The following SLC39A11 variants were observed in gnomAD, a reference collection of about 807,000 sequenced individuals.
SLC39A11 encodes the protein zinc transporter ZIP11.
A neutral mutation model predicts 36.1 loss-of-function variants in SLC39A11; 33 were observed. That is an observed-to-expected ratio of 0.91 (90% CI 0.69 to 1.22). The LOEUF is 1.22. SLC39A11 is among the 50% of genes most tolerant of loss of function. SLC39A11 has a pLI of 0.00. For missense variants in SLC39A11, 432 were observed against 430.3 expected, an observed-to-expected ratio of 1.00 and a Z score of -0.03; for synonymous variants, 166 against 170.3, an observed-to-expected ratio of 0.97 and a Z score of 0.20.
In SLC39A11 at chr17:72,806,030, C is replaced by G. The variant is rs373387540; in HGVS notation, c.601+43604G>C. ...GCCTCCTAAAATTACTGGGATTACACGTGTGAGCCACCGCACCTGGTGGCT... is the reference window on the plus strand; with the variant it reads ...GCCTCCTAAAATTACTGGGATTACAGGTGTGAGCCACCGCACCTGGTGGCT... On this transcript the variant is annotated intron_variant, in intron 6 of 9. Transcript: ENST00000255559. Among the ~76,000 whole-genome samples, 303 of 152,108 alleles carry G rather than the reference C, an allele frequency of 2.0e-3. 2 individuals are homozygous for G. The highest frequency in any genetic ancestry group is 6.8e-3 in the African/African-American group (283 of 41,484).
intron 7 of SLC39A11, among the ~76,000 whole-genome samples, chr17:72,707,159 G>A (rs1055604034): frequency 6.6e-6 from 1 of 152,152 alleles, no homozygotes; most frequent in Non-Finnish European, 1.5e-5. Flanking sequence ...CAGCATTTTG[G>A]GAGGCTGAAG....
intron 4 of SLC39A11, among the ~76,000 whole-genome samples, chr17:73,022,146 G>T (rs2058373421): frequency 2.0e-5 from 3 of 152,210 alleles, no homozygotes; most frequent in Non-Finnish European, 4.4e-5. Context: ...TAACACACAT[G>T]GGCATACAAA....
rs1567994943 is a variant in SLC39A11 at position 72,729,438 on chromosome 17, TA to T, written c.671+7211del. ...ATATATATATATATATATATATATA[TA>T]TATATATATATATATATATTTTTTT... On this transcript the variant is annotated intron_variant, in intron 7 of 9. Coordinates refer to ENST00000255559, the MANE Select transcript of SLC39A11 (RefSeq NM_139177.4). Among the ~76,000 whole-genome samples, 44 of 4,772 alleles carry T rather than the reference TA, an allele frequency of 9.2e-3. 3 individuals are homozygous for T. Among genetic ancestry groups the T allele is most frequent in the African/African-American group, 0.038 (37 of 986 alleles). 3.1% of individuals were successfully genotyped at this position (4,772 alleles called of 152,430 possible).
At chr17:72,954,585 C>A (rs1286176620) in intron 4 of SLC39A11, among the ~76,000 whole-genome samples, 4 of 152,246 alleles carry the variant, frequency 2.6e-5, no homozygotes, top group Non-Finnish European at 5.9e-5. Context: ...TAACCCCAGA[C>A]ACACAAGGCA....
At chr17:72,720,001 CA>C (rs2073588017) in intron 7 of SLC39A11, among the ~76,000 whole-genome samples, 1 of 152,158 alleles carries the variant, frequency 6.6e-6, no homozygotes, top group South Asian at 2.1e-4. Context: ...AACTGGGGCG[CA>C]AAAGGGAAGC....
At chr17:72,750,827 C>T (rs766079401) in intron 6 of SLC39A11, among the ~76,000 whole-genome samples, 16 of 152,154 alleles carry the variant, frequency 1.1e-4, no homozygotes, top group Admixed American at 3.3e-4. Flanking sequence ...CCCAGTTCAG[C>T]AATTGTCAGG....
intron 6 of SLC39A11, chr17:72,821,473 T>G (rs1194955622): frequency 2.7e-5 from 3 of 111,006 alleles, no homozygotes; most frequent in African/African-American, 3.5e-5. Flanking sequence ...ACCACTGCAC[T>G]CCAGCCTGGG....
intron 3 of SLC39A11, among the ~76,000 whole-genome samples, chr17:73,042,380 G>T (rs1398727421): frequency 6.6e-6 from 1 of 152,212 alleles, no homozygotes; most frequent in African/African-American, 2.4e-5. Flanking sequence ...ACCCAACTCA[G>T]TGCCTACTAT....
intron 5 of SLC39A11, among the ~76,000 whole-genome samples, chr17:72,907,848 G>T (rs531001648): frequency 2.0e-5 from 3 of 152,214 alleles, no homozygotes; most frequent in Admixed American, 6.5e-5. Context: ...CACAGACTGC[G>T]GTGCACAGCA....
intron 7 of SLC39A11, among the ~76,000 whole-genome samples, chr17:72,702,125 G>C (rs2072673821): frequency 6.6e-6 from 1 of 151,912 alleles, no homozygotes; most frequent in Non-Finnish European, 1.5e-5. Flanking sequence ...AAATAAAAAA[G>C]AACATAGACA....
chr17:72,875,440 C>T (rs1395749345), intron 5 of SLC39A11, among the ~76,000 whole-genome samples: 1 of 152,138 alleles, frequency 6.6e-6, no homozygotes, highest in Non-Finnish European at 1.5e-5. Flanking sequence ...CCCAGGAAGC[C>T]AGCGGGATTC....
intron 4 of SLC39A11, among the ~76,000 whole-genome samples, chr17:72,960,674 G>T (rs966755869): frequency 1.3e-5 from 2 of 149,836 alleles, no homozygotes; most frequent in East Asian, 1.9e-4. Context: ...ATTAAAAAGC[G>T]GGTATAGTGG....
At chr17:73,049,839 G>A (rs966212622) in intron 3 of SLC39A11, among the ~76,000 whole-genome samples, 1 of 152,094 alleles carries the variant, frequency 6.6e-6, no homozygotes, top group African/African-American at 2.4e-5. Flanking sequence ...AATGAAATGA[G>A]GTCCCAGGCA....
chr17:73,061,907 G>A (rs1464942715), intron 3 of SLC39A11, among the ~76,000 whole-genome samples: 1 of 152,028 alleles, frequency 6.6e-6, no homozygotes, highest in East Asian at 1.9e-4. Context: ...AAGGTGGGAG[G>A]ATCACTTGAG....
chr17:72,994,397 G>A (rs1359947375), intron 4 of SLC39A11, among the ~76,000 whole-genome samples: 1 of 151,996 alleles, frequency 6.6e-6, no homozygotes, highest in African/African-American at 2.4e-5. Flanking sequence ...GTACATATAA[G>A]GGTTGAAACT....
intron 6 of SLC39A11, among the ~76,000 whole-genome samples, chr17:72,793,289 T>C (rs766857519): frequency 5.9e-5 from 9 of 152,104 alleles, no homozygotes; most frequent in Non-Finnish European, 1.2e-4. Flanking sequence ...CAGGGTGCCA[T>C]GCAACAAGGG....
chr17:72,966,601 G>A (rs1235087015), intron 4 of SLC39A11, among the ~76,000 whole-genome samples: 6 of 151,918 alleles, frequency 3.9e-5, no homozygotes, highest in East Asian at 1.9e-4. Flanking sequence ...ACGGAGGCTC[G>A]CTCTGTCGCC....
chr17:72,934,169 C>T (rs745715598), intron 5 of SLC39A11, among the ~76,000 whole-genome samples: 1 of 150,556 alleles, frequency 6.6e-6, no homozygotes, highest in Admixed American at 6.6e-5. Flanking sequence ...TTAAGTTATG[C>T]AAAAAATTCT....
intron 3 of SLC39A11, among the ~76,000 whole-genome samples, chr17:73,067,178 A>G (rs545889497): frequency 1.3e-5 from 2 of 152,364 alleles, no homozygotes; most frequent in African/African-American, 4.8e-5. Flanking sequence ...TCTTTCAGTA[A>G]TAGAATATCA....
Sources: gnomAD v4.1 joint callset for allele counts (sites outside exome capture counted in the v4.1 genomes callset) on GRCh38, gnomAD v4.1.1 for gene constraint, MANE v1.5 for transcripts, NCBI Gene and HGNC (gene_info 2026-07-23, HGNC 2026-07-21) for gene names.